C1QTNF7: variants seen among roughly 807,000 people sequenced by gnomAD.
C1QTNF7 encodes the protein complement C1q tumor necrosis factor-related protein 7.
C1QTNF7 carries 15 observed loss-of-function variants against 19.6 expected under a neutral mutation model. That is an observed-to-expected ratio of 0.76 (90% CI 0.51 to 1.18). The LOEUF is 1.18. C1QTNF7 is among the 50% of genes most tolerant of loss of function. C1QTNF7 has a pLI of 0.00. For missense variants in C1QTNF7, 324 were observed against 359.7 expected (o/e 0.90, Z 0.80); for synonymous variants, 142 against 137.5 (o/e 1.03, Z -0.23).
chr4:15,386,927 C>A (rs1718359081), intron 1 of C1QTNF7, among the ~76,000 whole-genome samples: 1 of 152,016 alleles, frequency 6.6e-6, no homozygotes, highest in South Asian at 2.1e-4. Flanking sequence ...AGAAGGGAAG[C>A]CATTAGAGAG....
At chr4:15,405,385 C>T (rs1187309958) in intron 1 of C1QTNF7, among the ~76,000 whole-genome samples, 1 of 152,208 alleles carries the variant, frequency 6.6e-6, no homozygotes, top group East Asian at 1.9e-4. Flanking sequence ...GGTGCCTGCT[C>T]ATGCCTTATC....
At chr4:15,345,995 A>G (rs1007682336) in intron 1 of C1QTNF7, among the ~76,000 whole-genome samples, 1 of 152,216 alleles carries the variant, frequency 6.6e-6, no homozygotes, top group Non-Finnish European at 1.5e-5. Flanking sequence ...AGGGACTCTC[A>G]GAAAGGATTT....
intron 1 of C1QTNF7, among the ~76,000 whole-genome samples, chr4:15,367,688 G>A (rs563668092): frequency 1.1e-4 from 16 of 152,294 alleles, no homozygotes; most frequent in South Asian, 6.2e-4. Flanking sequence ...CCTTTTGGTA[G>A]CCTTGAGATT....
At chr4:15,348,531 A>C (rs1246939142) in intron 1 of C1QTNF7, among the ~76,000 whole-genome samples, 1 of 152,132 alleles carries the variant, frequency 6.6e-6, no homozygotes, top group Admixed American at 6.5e-5. Flanking sequence ...TGTCATCTAA[A>C]CCATCTGCAG....
chr4:15,413,217 C>A (rs1005387820), intron 1 of C1QTNF7, among the ~76,000 whole-genome samples: 1 of 152,238 alleles, frequency 6.6e-6, no homozygotes, highest in Admixed American at 6.5e-5. Flanking sequence ...GTGTTCACAT[C>A]ATGTGCTTCT....
chr4:15,356,914 A>G (rs1200312317), intron 1 of C1QTNF7, among the ~76,000 whole-genome samples: 1 of 145,930 alleles, frequency 6.9e-6, no homozygotes, highest in Non-Finnish European at 1.5e-5. Context: ...GTGTCTGTTC[A>G]TATCCTTCAC....
chr4:15,390,243 G>C (rs1051559140), intron 1 of C1QTNF7, among the ~76,000 whole-genome samples: 1 of 152,144 alleles, frequency 6.6e-6, no homozygotes. Flanking sequence ...CTGATGCTTC[G>C]GTCCACAGGA....
intron 1 of C1QTNF7, among the ~76,000 whole-genome samples, chr4:15,376,392 G>T (rs954606349): frequency 3.3e-5 from 5 of 152,238 alleles, no homozygotes; most frequent in Non-Finnish European, 7.3e-5. Context: ...GGAGCAGCAG[G>T]CTCACTAGTA....
intron 2 of C1QTNF7, among the ~76,000 whole-genome samples, chr4:15,439,419 C>T (rs1712663485): frequency 6.6e-6 from 1 of 152,172 alleles, no homozygotes; most frequent in African/African-American, 2.4e-5. Context: ...CCAACACTTT[C>T]GTTTCAAGGA....
intron 1 of C1QTNF7, among the ~76,000 whole-genome samples, chr4:15,343,166 A>G (rs1375933541): frequency 6.6e-6 from 1 of 152,242 alleles, no homozygotes; most frequent in Admixed American, 6.5e-5. Flanking sequence ...GACTCCCGTG[A>G]TCGGGTTATT....
intron 1 of C1QTNF7, among the ~76,000 whole-genome samples, chr4:15,411,171 C>T (rs1427940648): frequency 6.6e-6 from 1 of 152,108 alleles, no homozygotes; most frequent in East Asian, 1.9e-4. Context: ...TTACAATGTG[C>T]CAGTGTTCTT....
At chr4:15,361,297 C>T (rs1475191072) in intron 1 of C1QTNF7, 1 of 151,558 alleles carries the variant, frequency 6.6e-6, no homozygotes, top group African/African-American at 2.4e-5. Flanking sequence ...AAGAAACTGG[C>T]TTGGGGAGAT....
chr4:15,431,033 G>A (rs1034081535), intron 1 of C1QTNF7, among the ~76,000 whole-genome samples: 2 of 150,032 alleles, frequency 1.3e-5, no homozygotes, highest in African/African-American at 2.5e-5. Context: ...TAAGCCATTT[G>A]TAGATTAAGA....
chr4:15,426,555 A>T (rs1479966109), upstream of C1QTNF7, among the ~76,000 whole-genome samples: 1 of 152,258 alleles, frequency 6.6e-6, no homozygotes, highest in Non-Finnish European at 1.5e-5. Context: ...ACCTTATTTT[A>T]TGTGGTAAGT....
intron 1 of C1QTNF7, among the ~76,000 whole-genome samples, chr4:15,344,167 G>A (rs1054603683): frequency 9.2e-5 from 14 of 152,356 alleles, no homozygotes; most frequent in South Asian, 4.1e-4. Context: ...TGCATATGGT[G>A]CAGAAGGAGA....
intron 1 of C1QTNF7, among the ~76,000 whole-genome samples, chr4:15,348,810 T>A (rs997085186): frequency 1.3e-5 from 2 of 152,162 alleles, no homozygotes; most frequent in Non-Finnish European, 2.9e-5. Flanking sequence ...TCTAGAGACA[T>A]AAAAGGAATT....
At chr4:15,433,837 C>T (rs1712424990) in intron 1 of C1QTNF7, among the ~76,000 whole-genome samples, 1 of 152,292 alleles carries the variant, frequency 6.6e-6, no homozygotes, top group East Asian at 1.9e-4. Context: ...TTGCTTCCCC[C>T]ACATTTTAAA....
At chr4:15,344,612 A>G (rs1716652166) in intron 1 of C1QTNF7, among the ~76,000 whole-genome samples, 1 of 152,210 alleles carries the variant, frequency 6.6e-6, no homozygotes, top group Non-Finnish European at 1.5e-5. Flanking sequence ...CTATGAAGAT[A>G]ACACTCTAAG....
At chr4:15,422,201 G>GT (rs577106584) in intron 1 of C1QTNF7, among the ~76,000 whole-genome samples, 3,395 of 105,690 alleles carry the variant, frequency 0.032, 61 homozygotes, top group African/African-American at 0.038. Flanking sequence ...TAATAAACCT[G>GT]TTTTTTTTTA....
Sources: gnomAD v4.1 joint callset for allele counts (sites outside exome capture counted in the v4.1 genomes callset) on GRCh38, gnomAD v4.1.1 for gene constraint, MANE v1.5 for transcripts, NCBI Gene and HGNC (gene_info 2026-07-23, HGNC 2026-07-21) for gene names.